Variants in RAB27B observed in about 807,000 individuals in gnomAD.
RAB27B encodes the protein RAB27B, member RAS oncogene family.
RAB27B carries 15 observed loss-of-function variants against 24.6 expected under a neutral mutation model. The ratio of observed to expected loss-of-function variants is 0.61; its 90% CI spans 0.41 to 0.94. The LOEUF (loss-of-function observed/expected upper bound fraction) is 0.94, where lower values mean the gene tolerates loss of function less well. RAB27B is among the 40% of genes least tolerant of loss of function. The pLI, the probability that RAB27B is intolerant of heterozygous loss-of-function variation, is 0.00. For missense variants in RAB27B, 261 were observed against 266.8 expected (o/e 0.98, Z 0.15); for synonymous variants, 105 against 92.5 (o/e 1.14, Z -0.78).
intron 2 of RAB27B, among the ~76,000 whole-genome samples, chr18:54,791,100 A>T (rs1465550373): frequency 6.6e-6 from 1 of 152,182 alleles, no homozygotes; most frequent in East Asian, 1.9e-4. Context: ...CCAAGAAGGT[A>T]TTATTTGTCA....
intron 2 of RAB27B, among the ~76,000 whole-genome samples, chr18:54,814,080 A>ATTT (rs1910049686): frequency 1.3e-5 from 2 of 152,214 alleles, no homozygotes; most frequent in Admixed American, 1.3e-4. Flanking sequence ...TTAATTAAGC[A>ATTT]CTGTCTTACA....
At chr18:54,781,071 T>G (rs1395290401) in intron 2 of RAB27B, among the ~76,000 whole-genome samples, 1 of 152,170 alleles carries the variant, frequency 6.6e-6, no homozygotes, top group Non-Finnish European at 1.5e-5. Context: ...GGTTTCACCT[T>G]AGCTGCCCTG....
chr18:54,864,780 C>T (rs1912145917), intron 1 of RAB27B, among the ~76,000 whole-genome samples: 1 of 152,112 alleles, frequency 6.6e-6, no homozygotes, highest in Non-Finnish European at 1.5e-5. Flanking sequence ...TATGCCAGTG[C>T]TACACTCTCT....
chr18:54,768,097 G>C (rs535248632), intron 2 of RAB27B, among the ~76,000 whole-genome samples: 2 of 152,256 alleles, frequency 1.3e-5, no homozygotes, highest in East Asian at 3.9e-4. Flanking sequence ...GATGTGGGGG[G>C]AGTGGATGGA....
intron 2 of RAB27B, among the ~76,000 whole-genome samples, chr18:54,808,710 A>C (rs1242970850): frequency 6.6e-6 from 1 of 152,250 alleles, no homozygotes; most frequent in African/African-American, 2.4e-5. Context: ...TCATGTGTAC[A>C]CACACATACA....
intron 2 of RAB27B, among the ~76,000 whole-genome samples, chr18:54,780,652 T>A (rs1237224714): frequency 6.6e-6 from 1 of 152,194 alleles, no homozygotes; most frequent in East Asian, 1.9e-4. Flanking sequence ...CTCATATAAC[T>A]ACCTCTTTAA....
At position 54,849,118 on chromosome 18, in the gene RAB27B, G is replaced by GT. The variant is rs5825097; in HGVS notation, c.-20+20419dup. On this transcript the variant is annotated intron_variant, in intron 1 of 5. Transcript: ENST00000262094. ...ATGCTGCCAGCTCAGAAACGTCGAT[G>GT]TAATGGGAGAAAATGTATGGGGAAT... 1.8e-4 allele frequency among the ~76,000 whole-genome samples: 28 copies of GT among 152,258 alleles called. No homozygotes were observed. In the East Asian group the frequency reaches 5.2e-3, roughly 28 times the overall value.
intron 1 of RAB27B, among the ~76,000 whole-genome samples, chr18:54,843,518 A>G (rs1177832789): frequency 6.6e-6 from 1 of 152,164 alleles, no homozygotes; most frequent in African/African-American, 2.4e-5. Flanking sequence ...TCCAGTGACT[A>G]AGGGTGATAT....
chr18:54,814,310 T>A (rs945652402), intron 2 of RAB27B, among the ~76,000 whole-genome samples: 2 of 152,234 alleles, frequency 1.3e-5, no homozygotes, highest in African/African-American at 4.8e-5. Flanking sequence ...CCAGATTTAT[T>A]GAATAAAACT....
intron 2 of RAB27B, among the ~76,000 whole-genome samples, chr18:54,753,871 C>T (rs1177797362): frequency 1.3e-5 from 2 of 152,164 alleles, no homozygotes; most frequent in Non-Finnish European, 2.9e-5. Context: ...CATACACACT[C>T]ACACACTTGG....
At chr18:54,758,933 C>T (rs76401616) in intron 2 of RAB27B, among the ~76,000 whole-genome samples, 7,211 of 152,252 alleles carry the variant, frequency 0.047, 228 homozygotes, top group Admixed American at 0.084. Context: ...AGACTTCAAA[C>T]GTCTCTCTAT....
chr18:54,798,602 G>A (rs1568069819), intron 2 of RAB27B, among the ~76,000 whole-genome samples: 1 of 152,208 alleles, frequency 6.6e-6, no homozygotes, highest in Non-Finnish European at 1.5e-5. Context: ...CACTAGGGAA[G>A]TTCTTCTGTG....
Position 54,797,907 on chromosome 18 carries a change from C to T in RAB27B, c.-19-79660C>T, listed in dbSNP as rs187346786. The stretch of plus-strand genomic sequence containing the variant: ...ATCAACTTGTAGTTCTCAATACTGG[C>T]TGTGCAATAGAAATATTCAGGAGAC... On this transcript the variant is annotated intron_variant, in intron 2 of 4. Coordinates refer to the RAB27B transcript ENST00000586570. Among the ~76,000 whole-genome samples the T allele has an allele frequency of 5.3e-5, 8 of 152,300 alleles. No homozygotes were observed. In the East Asian group the frequency reaches 1.5e-3, roughly 29 times the overall value.
chr18:54,875,111 C>G (rs372092345), intron 1 of RAB27B, among the ~76,000 whole-genome samples: 24 of 152,070 alleles, frequency 1.6e-4, no homozygotes, highest in African/African-American at 3.4e-4. Flanking sequence ...TTGCTTGAGC[C>G]CAGGAGTTTG....
At chr18:54,831,623 G>A (rs540620442) in intron 1 of RAB27B, among the ~76,000 whole-genome samples, 74 of 152,282 alleles carry the variant, frequency 4.9e-4, no homozygotes, top group Non-Finnish European at 8.8e-4. Flanking sequence ...CTGGGGTTTG[G>A]AAAGAGACGG....
intron 2 of RAB27B, among the ~76,000 whole-genome samples, chr18:54,818,412 G>A (rs907981514): frequency 5.3e-5 from 8 of 152,004 alleles, no homozygotes; most frequent in African/African-American, 1.9e-4. Context: ...AGCACCCTCA[G>A]AATTCATTCC....
At chr18:54,885,495 AT>A (rs1343062987) in intron 4 of RAB27B, among the ~76,000 whole-genome samples, 1 of 152,056 alleles carries the variant, frequency 6.6e-6, no homozygotes. Flanking sequence ...CAGTATGAAA[AT>A]CTTGCCATTC....
chr18:54,806,883 CACATATTA>C (rs1909807442), intron 2 of RAB27B, among the ~76,000 whole-genome samples: 1 of 151,916 alleles, frequency 6.6e-6, no homozygotes. Context: ...TACAGTTGAC[CACATATTA>C]AACTAATTTT....
intron 2 of RAB27B, among the ~76,000 whole-genome samples, chr18:54,812,082 A>G (rs1047952505): frequency 3.3e-5 from 5 of 152,178 alleles, no homozygotes; most frequent in African/African-American, 1.2e-4. Flanking sequence ...GCTAATGTCA[A>G]AATATCTGTT....
Sources: allele counts gnomAD v4.1 joint callset (sites outside exome capture counted in the v4.1 genomes callset), GRCh38; gene constraint gnomAD v4.1.1; transcripts MANE v1.5; gene names NCBI Gene and HGNC (gene_info 2026-07-23, HGNC 2026-07-21).